The following ZNF516 variants were observed in gnomAD, a reference collection of about 807,000 sequenced individuals.
The protein encoded by ZNF516 is zinc finger protein 516.
In ZNF516, 19 loss-of-function variants were observed where a neutral mutation model predicts 79.7. The observed-to-expected ratio is 0.24, with a 90% CI of 0.17 to 0.35. The LOEUF is 0.35. Among genes scored for constraint, ZNF516 ranks in the 10% least tolerant of loss-of-function variants. ZNF516 has a pLI of 1.00. For synonymous variants in ZNF516, 877 were observed against 739.5 expected (o/e 1.19, Z -3.02); for missense variants, 1,678 against 1,679.5 (o/e 1.00, Z 0.02).
At chr18:76,381,283 C>T (rs930817881) in intron 3 of ZNF516, among the ~76,000 whole-genome samples, 2 of 152,314 alleles carry the variant, frequency 1.3e-5, no homozygotes, top group South Asian at 2.1e-4. Flanking sequence ...TTTGCATTTA[C>T]GGCCTTGGGT....
In ZNF516 at chr18:76,417,154, G is replaced by A. The variant is rs772869641; in HGVS notation, c.1810+24091C>T. 4.1e-4 allele frequency among the ~76,000 whole-genome samples: 63 copies of A among 152,256 alleles called. No homozygotes were observed. In the Middle Eastern group the frequency reaches 0.01, roughly 25 times the overall value. On this transcript the variant is annotated intron_variant, in intron 3 of 6. Transcript: ENST00000443185. The stretch of plus-strand genomic sequence containing the variant: ...TCTCAGTGAGATGCCTTTGAACTCC[G>A]AATGCCTCGATGCCGCAGCGGCTAC...
intron 1 of ZNF516, among the ~76,000 whole-genome samples, 167 bp downstream of exon 1, chr18:76,494,977 C>T (rs1369022394): frequency 2.7e-5 from 4 of 150,770 alleles, no homozygotes; most frequent in Admixed American, 6.6e-5. Context: ...AGTAGCCCTC[C>T]CCGCGCCCGG....
At chr18:76,492,062 C>T in intron 1 of ZNF516, 1 of 723,602 alleles carries the variant, frequency 1.4e-6, no homozygotes, top group Non-Finnish European at 1.7e-6. Flanking sequence ...CCGGGCACAC[C>T]CGCGCATGGA....
At position 76,384,607 on chromosome 18, in the gene ZNF516, AC is replaced by A. The variant is rs371773104; in HGVS notation, c.1811-4305del. Among the ~76,000 whole-genome samples the A allele has an allele frequency of 1.4e-4, 8 of 57,740 alleles. No individual in the cohort carries two copies. The South Asian group carries it at 2.0e-3, about 14-fold the overall frequency. 37.9% of individuals were successfully genotyped at this position (57,740 alleles called of 152,430 possible). ...TCCCTCTCCACAGCTCCCATCCCCC[AC>A]CCCCCCTACAGTTGGGACCTGGCGT... On this transcript the variant is annotated intron_variant, in intron 3 of 6. Coordinates refer to ENST00000443185, the MANE Select transcript of ZNF516 (RefSeq NM_014643.4).
intron 3 of ZNF516, among the ~76,000 whole-genome samples, chr18:76,426,269 C>G (rs1228155039): frequency 1.3e-5 from 2 of 152,192 alleles, no homozygotes; most frequent in Non-Finnish European, 2.9e-5. Flanking sequence ...ATTCTTCTAG[C>G]CTTTGCTGAT....
At chr18:76,490,205 G>A in intron 1 of ZNF516, 4 of 985,352 alleles carry the variant, frequency 4.1e-6, no homozygotes, top group Non-Finnish European at 4.8e-6. Flanking sequence ...TGAAATTAAA[G>A]ACGTCCTCCT....
At chr18:76,369,678 A>G (rs1174703605) in intron 6 of ZNF516, among the ~76,000 whole-genome samples, 1 of 152,216 alleles carries the variant, frequency 6.6e-6, no homozygotes, top group Non-Finnish European at 1.5e-5. Context: ...TAGATATTTC[A>G]GCGCAGGGAC....
intron 1 of ZNF516, among the ~76,000 whole-genome samples, chr18:76,472,126 C>T (rs1274354538): frequency 6.6e-6 from 1 of 152,210 alleles, no homozygotes; most frequent in Non-Finnish European, 1.5e-5. Flanking sequence ...CTTCAGAAAC[C>T]TCCTGCCGGT....
Position 76,362,314 on chromosome 18 carries a change from A to G in ZNF516, c.*184T>C. ...TTCATTTATTTCTGAACGTTTAACAAGGAGAGGCATCTGCCTTCAGTTTCC... is the reference window on the plus strand; with the variant it reads ...TTCATTTATTTCTGAACGTTTAACAGGGAGAGGCATCTGCCTTCAGTTTCC... On this transcript the variant is annotated 3_prime_UTR_variant, in exon 7 of 7. Transcript: ENST00000443185. 1 of 547,816 alleles carries G rather than the reference A, an allele frequency of 1.8e-6. No homozygotes were observed. 33.9% of individuals were successfully genotyped at this position (547,816 alleles called of 1,614,324 possible). A position where few individuals can be genotyped will look rare whatever the true frequency, so the allele number is the denominator to read the frequency against.
At chr18:76,457,447 G>A (rs1238901319) in intron 2 of ZNF516, among the ~76,000 whole-genome samples, 2 of 152,198 alleles carry the variant, frequency 1.3e-5, no homozygotes, top group African/African-American at 2.4e-5. Flanking sequence ...TGTGGGCGGC[G>A]TCTGTAATGC....
chr18:76,487,475 G>A (rs913093808), intron 1 of ZNF516, among the ~76,000 whole-genome samples: 6 of 152,130 alleles, frequency 3.9e-5, no homozygotes, highest in Non-Finnish European at 7.3e-5. Context: ...TCTTCAGTTA[G>A]AAAAATTAAT....
chr18:76,360,444 A>C lies in ZNF516; in HGVS notation c.*2054T>G, dbSNP rs1272380092. ...AAACTACTGAAATGATTAAACATAA[A>C]TCAACAGAAGAGTCTTCTGATTTCT... On this transcript the variant is annotated 3_prime_UTR_variant, in exon 7 of 7. Transcript: ENST00000443185. The C allele has an allele frequency of 6.6e-6, 1 of 151,928 alleles. No homozygotes were observed. Among genetic ancestry groups the C allele is most frequent in the African/African-American group, 2.4e-5 (1 of 41,330 alleles). The allele number at this position is 151,928 out of a possible 1,614,324, so 9.4% of individuals were successfully genotyped here.
chr18:76,424,172 T>A (rs1415397278), intron 3 of ZNF516, among the ~76,000 whole-genome samples: 3 of 57,326 alleles, frequency 5.2e-5, no homozygotes, highest in African/African-American at 1.4e-4. Context: ...GGTTACCCCA[T>A]GAAACACATG....
At chr18:76,491,638 C>T in intron 1 of ZNF516, 1 of 722,136 alleles carries the variant, frequency 1.4e-6, no homozygotes, top group Non-Finnish European at 1.7e-6. Context: ...CACGGCCCTC[C>T]TCCTGGCAGC....
At chr18:76,479,297 C>G (rs754954574) in intron 1 of ZNF516, among the ~76,000 whole-genome samples, 3 of 152,166 alleles carry the variant, frequency 2.0e-5, no homozygotes, top group Non-Finnish European at 2.9e-5. Context: ...CCTGTGAACA[C>G]GGGCCACATT....
intron 4 of ZNF516, among the ~76,000 whole-genome samples, chr18:76,372,098 C>T (rs2074717917): frequency 6.6e-6 from 1 of 152,326 alleles, no homozygotes; most frequent in African/African-American, 2.4e-5. Flanking sequence ...GGCCCCGGCC[C>T]CCAGAAGGGA....
chr18:76,478,262 G>A (rs62110936), intron 1 of ZNF516, among the ~76,000 whole-genome samples: 5,848 of 152,228 alleles, frequency 0.038, 156 homozygotes, highest in Middle Eastern at 0.099. Context: ...TCTTCAACAG[G>A]AAGGGCATTT....
At chr18:76,366,952 C>A (rs544837095) in intron 6 of ZNF516, among the ~76,000 whole-genome samples, 4 of 152,180 alleles carry the variant, frequency 2.6e-5, no homozygotes, top group African/African-American at 9.7e-5. Context: ...AACTGGCTGA[C>A]CTTCAATGAA....
intron 1 of ZNF516, among the ~76,000 whole-genome samples, chr18:76,463,695 C>T (rs941032837): frequency 4.6e-5 from 7 of 152,346 alleles, no homozygotes; most frequent in Admixed American, 3.9e-4. Context: ...GTGACCGCAA[C>T]GCAGACGTGC....
Sources: gnomAD v4.1 joint callset for allele counts (sites outside exome capture counted in the v4.1 genomes callset) on GRCh38, gnomAD v4.1.1 for gene constraint, MANE v1.5 for transcripts, NCBI Gene and HGNC (gene_info 2026-07-23, HGNC 2026-07-21) for gene names.